PIEZO2: variants seen among roughly 807,000 people sequenced by gnomAD.
PIEZO2 encodes piezo-type mechanosensitive ion channel component 2.
In PIEZO2, 172 loss-of-function variants were observed where a neutral mutation model predicts 337.3. The ratio of observed to expected loss-of-function variants is 0.51; its 90% CI spans 0.45 to 0.58. The LOEUF (loss-of-function observed/expected upper bound fraction) is 0.58, where lower values mean the gene tolerates loss of function less well. Ranked by LOEUF, PIEZO2 falls within the 20% of genes least tolerant of loss-of-function variation. The pLI, the probability that PIEZO2 is intolerant of heterozygous loss-of-function variation, is 0.00. For missense variants in PIEZO2, 3,028 were observed against 3,391.3 expected, an observed-to-expected ratio of 0.89 and a Z score of 2.66; for synonymous variants, 1,251 against 1,228.5, an observed-to-expected ratio of 1.02 and a Z score of -0.38.
chr18:10,689,546 T>C (rs1441780955), intron 49 of PIEZO2, 109 bp downstream of exon 49: 1 of 1,418,864 alleles, frequency 7.0e-7, no homozygotes, highest in South Asian at 1.2e-5. Context: ...TAGGTTGTGG[T>C]AGTTTTTGCC....
In PIEZO2 at chr18:10,767,578, C is replaced by T. The variant is rs1400069233; in HGVS notation, c.2946+2570G>A. Reference sequence around the variant, plus strand: ...GGAGCTAATGACTCGGAGCCCGATGCGTGAACCCTGGAGCTTGGGCACTGG... The same window carrying T: ...GGAGCTAATGACTCGGAGCCCGATGTGTGAACCCTGGAGCTTGGGCACTGG... On this transcript the variant is annotated intron_variant, in intron 21 of 55. Coordinates refer to ENST00000674853, the MANE Select transcript of PIEZO2 (RefSeq NM_001378183.1). This position sits in a 1 kb window ranked among gnomAD's most constrained non-coding sequence, Gnocchi z 4.2. Among the ~76,000 whole-genome samples, 1 of 152,164 alleles carries T rather than the reference C, an allele frequency of 6.6e-6. No homozygotes were observed. The highest frequency in any genetic ancestry group is 1.5e-5 in the Non-Finnish European group (1 of 68,022).
At position 11,129,089 on chromosome 18, in the gene PIEZO2, G is replaced by C. The variant is rs994146777; in HGVS notation, c.64+19436C>G. Among the ~76,000 whole-genome samples the C allele has an allele frequency of 1.3e-5, 2 of 152,226 alleles. No individual in the cohort carries two copies. The highest frequency in any genetic ancestry group is 2.9e-5 in the Non-Finnish European group (2 of 68,046). On this transcript the variant is annotated intron_variant, in intron 1 of 55. Transcript: ENST00000674853. The surrounding 1 kb of genome is among the most constrained non-coding windows in gnomAD (Gnocchi z 4.6). Reference sequence around the variant, plus strand: ...CTGATCTCCCTCAGTTTAATGTAGAGGAAGGGATCCAAAGGCTTAGGGAGA... The same window carrying C: ...CTGATCTCCCTCAGTTTAATGTAGACGAAGGGATCCAAAGGCTTAGGGAGA...
intron 2 of PIEZO2, among the ~76,000 whole-genome samples, chr18:11,005,991 AT>A (rs575884355): frequency 1.3e-5 from 2 of 152,110 alleles, no homozygotes; most frequent in Admixed American, 6.5e-5. Context: ...CTATAATGAT[AT>A]TTTTTCATTT....
At position 10,716,645 on chromosome 18, in the gene PIEZO2, C is replaced by A. The variant is rs367787757; in HGVS notation, c.5090-829G>T. 6.6e-6 allele frequency among the ~76,000 whole-genome samples: 1 copy of A among 151,560 alleles called. No homozygotes were observed. Among genetic ancestry groups the A allele is most frequent in the African/African-American group, 2.4e-5 (1 of 40,868 alleles). On this transcript the variant is annotated intron_variant, in intron 37 of 55. Coordinates refer to ENST00000674853, the MANE Select transcript of PIEZO2 (RefSeq NM_001378183.1). The surrounding 1 kb of genome is among the most constrained non-coding windows in gnomAD (Gnocchi z 4.1). ...GGAGATGCCACGAGCACCTATGTTT[C>A]CCTCTCCGCCCCTCCTCACATCCTT...
rs866276098 is a variant in PIEZO2, at chr18:11,088,802, T to C, written c.65-22580A>G. 1.3e-4 allele frequency among the ~76,000 whole-genome samples: 20 copies of C among 152,286 alleles called. No homozygotes were observed. In the South Asian group the frequency reaches 1.4e-3, roughly 11 times the overall value. On this transcript the variant is annotated intron_variant, in intron 1 of 55. Coordinates refer to ENST00000674853, the MANE Select transcript of PIEZO2 (RefSeq NM_001378183.1). ...TCAGAAGCCAGAAGGCAGAAGGGCA[T>C]CTTAGTGCAACCCATACAGGCCAGC...
intron 7 of PIEZO2, among the ~76,000 whole-genome samples, chr18:10,825,470 T>G (rs1049426196): frequency 4.6e-5 from 7 of 151,950 alleles, no homozygotes; most frequent in Non-Finnish European, 8.8e-5. Flanking sequence ...TGATGTTAAG[T>G]TTGATCACTT....
rs2038713277 is a variant in PIEZO2 at position 11,080,819 on chromosome 18, G to A, written c.65-14597C>T. Among the ~76,000 whole-genome samples the A allele has an allele frequency of 6.6e-6, 1 of 152,082 alleles. No individual in the cohort carries two copies. Among genetic ancestry groups the A allele is most frequent in the Non-Finnish European group, 1.5e-5 (1 of 68,004 alleles). ...AGATGGTGCCACTGCACCCCAGCCT[G>A]GCGACAGAGCAAGGCTCTGTCAATA... On this transcript the variant is annotated intron_variant, in intron 1 of 55. Coordinates refer to ENST00000674853, the MANE Select transcript of PIEZO2 (RefSeq NM_001378183.1). The surrounding 1 kb of genome is among the most constrained non-coding windows in gnomAD (Gnocchi z 5.4).
chr18:10,930,401 A>G (rs897619150), intron 3 of PIEZO2, among the ~76,000 whole-genome samples: 3 of 152,208 alleles, frequency 2.0e-5, no homozygotes, highest in African/African-American at 7.2e-5. Flanking sequence ...CCAATTGCCA[A>G]TCAGGAAATC....
At position 10,801,370 on chromosome 18, in the gene PIEZO2, A is replaced by C; in HGVS notation, c.1239+20T>G. 1 of 1,466,518 alleles carries C rather than the reference A, an allele frequency of 6.8e-7. No homozygotes were observed. Among genetic ancestry groups the C allele is most frequent in the African/African-American group, 1.4e-5 (1 of 71,478 alleles). 90.8% of individuals were successfully genotyped at this position (1,466,518 alleles called of 1,614,324 possible). Reference sequence around the variant, plus strand: ...CATCACTTACACATGCATAAATGATAATTCTAAGGGTATACTAACATCAGA... The same window carrying C: ...CATCACTTACACATGCATAAATGATCATTCTAAGGGTATACTAACATCAGA... On this transcript the variant is annotated intron_variant, in intron 10 of 55. Transcript: ENST00000674853.
intron 37 of PIEZO2, among the ~76,000 whole-genome samples, chr18:10,717,353 G>A (rs1189316139): frequency 1.3e-5 from 2 of 152,194 alleles, no homozygotes; most frequent in Admixed American, 1.3e-4. Flanking sequence ...GACTGGCACG[G>A]TGGAGGGCAT....
chr18:10,686,191 G>T lies in PIEZO2; in HGVS notation c.7497+3464C>A, dbSNP rs553284952. Among the ~76,000 whole-genome samples the T allele has an allele frequency of 4.5e-4, 69 of 152,278 alleles. 1 individual carries two copies. In the South Asian group the frequency reaches 0.014, roughly 30 times the overall value. ...TGAGCTCCTAAGTCCCTGCAGTTGG[G>T]TGTCAGCACCCATCCTACCTTTGAA... On this transcript the variant is annotated intron_variant, in intron 49 of 55. Coordinates refer to ENST00000674853, the MANE Select transcript of PIEZO2 (RefSeq NM_001378183.1).
chr18:10,789,783 A>T (rs2039349525), intron 14 of PIEZO2, among the ~76,000 whole-genome samples: 1 of 152,240 alleles, frequency 6.6e-6, no homozygotes, highest in Admixed American at 6.5e-5. Flanking sequence ...AACAATCTTA[A>T]ACAAAAAGTA....
intron 11 of PIEZO2, among the ~76,000 whole-genome samples, chr18:10,798,108 C>T (rs893264530): frequency 4.6e-5 from 7 of 152,226 alleles, no homozygotes; most frequent in African/African-American, 1.7e-4. Context: ...AGCCTGGGAG[C>T]AGATTCTCCC....
At chr18:10,932,318 C>T (rs1044100792) in intron 3 of PIEZO2, among the ~76,000 whole-genome samples, 2 of 152,076 alleles carry the variant, frequency 1.3e-5, no homozygotes, top group South Asian at 4.2e-4. Context: ...ATCAATTGAG[C>T]CTGGGAAGTC....
intron 2 of PIEZO2, among the ~76,000 whole-genome samples, chr18:10,998,357 T>C (rs1397755697): frequency 1.3e-5 from 2 of 149,774 alleles, no homozygotes; most frequent in East Asian, 2.0e-4. Context: ...CACATACACA[T>C]ACACACACAC....
chr18:10,762,777 A>G, intron 22 of PIEZO2, 145 bp downstream of exon 22: 1 of 1,320,196 alleles, frequency 7.6e-7, no homozygotes, highest in Non-Finnish European at 1.0e-6. Flanking sequence ...ACGAGGCTTA[A>G]CACAGGCCCA....
chr18:10,955,607 C>T (rs1459246437), intron 3 of PIEZO2, among the ~76,000 whole-genome samples: 1 of 152,140 alleles, frequency 6.6e-6, no homozygotes, highest in Non-Finnish European at 1.5e-5. Flanking sequence ...GAAACAGGAG[C>T]CCTGTGTATG....
intron 15 of PIEZO2, among the ~76,000 whole-genome samples, chr18:10,788,427 A>AAAAGG (rs1555646845): frequency 1.6e-5 from 2 of 123,948 alleles, no homozygotes; most frequent in Non-Finnish European, 3.2e-5. Context: ...AAAAAGAAAG[A>AAAAGG]AAGGAAGGAA....
rs532797381 is a variant in PIEZO2 at position 11,108,569 on chromosome 18, G to T, written c.64+39956C>A. Among the ~76,000 whole-genome samples, 10 of 126,230 alleles carry T rather than the reference G, an allele frequency of 7.9e-5. No individual in the cohort carries two copies. The South Asian group carries it at 2.5e-3, about 32-fold the overall frequency. 82.8% of individuals were successfully genotyped at this position (126,230 alleles called of 152,430 possible). A position where few individuals can be genotyped will look rare whatever the true frequency, so the allele number is the denominator to read the frequency against. ...GCGGAGTTTGCAGTGAGCTGAGATCGCACCACTGCACTCCAGCCTGGGCAA... is the reference window on the plus strand; with the variant it reads ...GCGGAGTTTGCAGTGAGCTGAGATCTCACCACTGCACTCCAGCCTGGGCAA... On this transcript the variant is annotated intron_variant, in intron 1 of 55. Coordinates refer to ENST00000674853, the MANE Select transcript of PIEZO2 (RefSeq NM_001378183.1).
Sources: gnomAD v4.1 joint callset for allele counts (sites outside exome capture counted in the v4.1 genomes callset) on GRCh38, gnomAD v4.1.1 for gene constraint, Gnocchi (gnomAD v3.1) non-coding constraint, MANE v1.5 for transcripts, NCBI Gene and HGNC (gene_info 2026-07-23, HGNC 2026-07-21) for gene names.